The following SV2C variants were observed in gnomAD, a reference collection of about 807,000 sequenced individuals.
SV2C encodes the protein solute carrier family 22 member B3.
Under a neutral mutation model 79.7 loss-of-function variants are expected in SV2C, and 49 were observed. The ratio of observed to expected loss-of-function variants is 0.61; its 90% CI spans 0.49 to 0.78. The LOEUF (loss-of-function observed/expected upper bound fraction) is 0.78, where lower values mean the gene tolerates loss of function less well. SV2C is among the 30% of genes least tolerant of loss of function. The pLI, the probability that SV2C is intolerant of heterozygous loss-of-function variation, is 0.00. For missense variants in SV2C, 833 were observed against 912.9 expected, an observed-to-expected ratio of 0.91 and a Z score of 1.13; for synonymous variants, 334 against 333.2, an observed-to-expected ratio of 1.00 and a Z score of -0.03.
At chr5:75,986,998 T>C in the SV2C span, among the ~76,000 whole-genome samples, 2 of 151,934 alleles carry the variant, frequency 1.3e-5, no homozygotes, top group African/African-American at 4.8e-5. Context: ...GCTTACTAAA[T>C]TTAGCATTTC....
the SV2C span, among the ~76,000 whole-genome samples, chr5:75,967,183 A>T: frequency 2.7e-3 from 417 of 152,230 alleles, no homozygotes; most frequent in African/African-American, 9.6e-3. Flanking sequence ...AAAAAACTTT[A>T]AAAATTAGCC....
At chr5:76,003,503 G>T in the SV2C span, among the ~76,000 whole-genome samples, 2 of 152,036 alleles carry the variant, frequency 1.3e-5, no homozygotes, top group African/African-American at 2.4e-5. Flanking sequence ...ATCCTCTGTT[G>T]CCACTTGATG....
chr5:75,896,134 A>G, the SV2C span, among the ~76,000 whole-genome samples: 1 of 151,866 alleles, frequency 6.6e-6, no homozygotes, highest in African/African-American at 2.4e-5. Context: ...ACATATGTAT[A>G]CATGTGCCAT....
intron 1 of SV2C, among the ~76,000 whole-genome samples, chr5:76,103,611 T>C (rs573401260): frequency 6.6e-6 from 1 of 152,332 alleles, no homozygotes; most frequent in South Asian, 2.1e-4. Flanking sequence ...CTTATAGCAA[T>C]ATGCTAGTTA....
chr5:75,931,515 C>A, the SV2C span, among the ~76,000 whole-genome samples: 3 of 152,194 alleles, frequency 2.0e-5, no homozygotes, highest in Non-Finnish European at 4.4e-5. Context: ...CTTTGTCTGG[C>A]AGTTTTGTTC....
At chr5:75,977,757 C>T in the SV2C span, among the ~76,000 whole-genome samples, 1 of 152,174 alleles carries the variant, frequency 6.6e-6, no homozygotes, top group Non-Finnish European at 1.5e-5. Context: ...ATGTACTGCC[C>T]TTGGTCTTAG....
chr5:76,033,892 C>T, the SV2C span, among the ~76,000 whole-genome samples: 1 of 151,506 alleles, frequency 6.6e-6, no homozygotes, highest in South Asian at 2.1e-4. Context: ...ATGGAATGTT[C>T]TTCCATTTGT....
chr5:76,203,304 G>A (rs1744508493), intron 3 of SV2C, among the ~76,000 whole-genome samples: 1 of 151,428 alleles, frequency 6.6e-6, no homozygotes, highest in Non-Finnish European at 1.5e-5. Context: ...TGAGGGGGTG[G>A]ATAGAGGGAT....
chr5:76,237,992 A>T (rs72773784), intron 4 of SV2C, among the ~76,000 whole-genome samples: 2 of 126,140 alleles, frequency 1.6e-5, no homozygotes, highest in Admixed American at 7.4e-5. Context: ...ACACACACAC[A>T]TACATACATA....
chr5:76,242,269 A>G lies in SV2C; in HGVS notation c.913+32382A>G. The G allele has an allele frequency of 4.2e-6, 5 of 1,185,782 alleles. No homozygotes were observed. In the South Asian group the frequency reaches 4.8e-5, roughly 11 times the overall value. 73.5% of individuals were successfully genotyped at this position (1,185,782 alleles called of 1,614,324 possible). A position where few individuals can be genotyped will look rare whatever the true frequency, so the allele number is the denominator to read the frequency against. On this transcript the variant is annotated intron_variant, in intron 4 of 12. Transcript: ENST00000502798. Reference sequence around the variant, plus strand: ...TCACCTTGGCTTTATCTCCCTTAGCATCCCCTTCAGCCTTTCTCTTGGGCA... The same window carrying G: ...TCACCTTGGCTTTATCTCCCTTAGCGTCCCCTTCAGCCTTTCTCTTGGGCA...
At chr5:75,854,287 T>A in the SV2C span, among the ~76,000 whole-genome samples, 1 of 152,178 alleles carries the variant, frequency 6.6e-6, no homozygotes, top group African/African-American at 2.4e-5. Flanking sequence ...TGATGGATAT[T>A]TGGGTTGTTT....
At chr5:76,071,203 T>C in the SV2C span, among the ~76,000 whole-genome samples, 2 of 152,210 alleles carry the variant, frequency 1.3e-5, no homozygotes, top group Admixed American at 6.5e-5. Context: ...TCCTTCTCCT[T>C]CCCTTGGAAT....
the SV2C span, among the ~76,000 whole-genome samples, chr5:75,853,607 C>CAAAAAAA: frequency 5.1e-3 from 145 of 28,458 alleles, 11 homozygotes; most frequent in East Asian, 0.012. Flanking sequence ...GACTCCGTCT[C>CAAAAAAA]AAAAAAAAAA....
At chr5:76,011,580 G>C in the SV2C span, among the ~76,000 whole-genome samples, 1 of 151,700 alleles carries the variant, frequency 6.6e-6, no homozygotes, top group African/African-American at 2.4e-5. Flanking sequence ...AGATATTACC[G>C]ACTAACCTAT....
At chr5:76,270,705 G>A (rs1746821447) in intron 4 of SV2C, among the ~76,000 whole-genome samples, 1 of 152,008 alleles carries the variant, frequency 6.6e-6, no homozygotes, top group South Asian at 2.1e-4. Context: ...GCCTTTTATG[G>A]CTTTGCTACT....
the SV2C span, among the ~76,000 whole-genome samples, chr5:76,035,968 T>A: frequency 6.6e-6 from 1 of 152,194 alleles, no homozygotes; most frequent in Non-Finnish European, 1.5e-5. Context: ...AGTTAGCTCT[T>A]CTTGTTGAAT....
At chr5:76,203,939 G>A (rs914225491) in intron 3 of SV2C, among the ~76,000 whole-genome samples, 2 of 152,208 alleles carry the variant, frequency 1.3e-5, no homozygotes, top group African/African-American at 2.4e-5. Flanking sequence ...TTACCAGTAT[G>A]TGTTTTTCTC....
chr5:75,872,147 TATC>T, the SV2C span, among the ~76,000 whole-genome samples: 6 of 148,986 alleles, frequency 4.0e-5, no homozygotes, highest in East Asian at 5.9e-4. Context: ...AATGGAAAAA[TATC>T]ATCAATGATG....
the SV2C span, among the ~76,000 whole-genome samples, chr5:76,027,677 C>G: frequency 6.6e-6 from 1 of 152,046 alleles, no homozygotes; most frequent in South Asian, 2.1e-4. Context: ...AGTAAATATT[C>G]TTGAGTTTTG....
Sources: allele counts gnomAD v4.1 joint callset (sites outside exome capture counted in the v4.1 genomes callset), GRCh38; gene constraint gnomAD v4.1.1; transcripts MANE v1.5; gene names NCBI Gene and HGNC (gene_info 2026-07-23, HGNC 2026-07-21).